PATL1: variants seen among roughly 807,000 people sequenced by gnomAD.
PATL1 encodes PAT1 homolog 1, processing body mRNA decay factor.
A neutral mutation model predicts 100.6 loss-of-function variants in PATL1; 32 were observed. The observed-to-expected ratio is 0.32, with a 90% CI of 0.24 to 0.43. The LOEUF (loss-of-function observed/expected upper bound fraction) is 0.43, where lower values mean the gene tolerates loss of function less well. Ranked by LOEUF, PATL1 falls within the 20% of genes least tolerant of loss-of-function variation. The probability of loss-of-function intolerance (pLI) is 1.00; values close to 1 mark genes in which losing one functional copy is unlikely to be tolerated. For missense variants in PATL1, 747 were observed against 949.9 expected, an observed-to-expected ratio of 0.79 and a Z score of 2.81; for synonymous variants, 332 against 330.0, an observed-to-expected ratio of 1.01 and a Z score of -0.07.
chr11:59,650,992 A>C (rs1861436367), intron 12 of PATL1, among the ~76,000 whole-genome samples, 179 bp from the exon 13 acceptor site: 1 of 152,232 alleles, frequency 6.6e-6, no homozygotes, highest in Non-Finnish European at 1.5e-5. Context: ...ATCAATCCAC[A>C]AACTATTAAA....
At chr11:59,643,753 G>A (rs1396475004) in intron 15 of PATL1, among the ~76,000 whole-genome samples, 1 of 152,066 alleles carries the variant, frequency 6.6e-6, no homozygotes, top group Non-Finnish European at 1.5e-5. Flanking sequence ...AGCTCAATGA[G>A]GAAGAAAAGA....
chr11:59,665,053 T>A (rs761258630), intron 2 of PATL1, among the ~76,000 whole-genome samples: 14 of 152,246 alleles, frequency 9.2e-5, no homozygotes, highest in Admixed American at 4.6e-4. Flanking sequence ...ATGCCTATAA[T>A]CCAAAAGGTC....
Position 59,659,261 on chromosome 11 carries a change from T to C in PATL1, c.336A>G (p.Pro112=). Residue 112 remains proline, a synonymous_variant, in exon 3 of 19, where the codon CCA becomes CCG. Transcript: ENST00000300146. The stretch of plus-strand genomic sequence containing the variant: ...ACAGTAACTTACTTACTTGTAAAAC[T>C]GGCCTGGTCTGCACTGCCCTCATAA... ...PAIMRAVQTR[P]VLQPQPGSLN... 1 of 1,551,428 alleles carries C rather than the reference T, an allele frequency of 6.4e-7. No homozygotes were observed. Among genetic ancestry groups the C allele is most frequent in the Non-Finnish European group, 8.7e-7 (1 of 1,146,766 alleles).
At chr11:59,652,672 T>A in intron 10 of PATL1, 85 bp from the exon 11 acceptor site, 1 of 1,561,208 alleles carries the variant, frequency 6.4e-7, no homozygotes, top group Non-Finnish European at 8.7e-7. Context: ...CCAGTGACAG[T>A]AACACAAGTT....
chr11:59,667,968 C>T (rs1003493923), intron 1 of PATL1, among the ~76,000 whole-genome samples: 2 of 152,222 alleles, frequency 1.3e-5, no homozygotes, highest in African/African-American at 4.8e-5. Context: ...TACCTCTTAG[C>T]TACCCTGTTT....
Position 59,652,374 on chromosome 11 carries a change from C to G in PATL1, c.1426+90G>C, listed in dbSNP as rs1861459879. 12 of 1,464,048 alleles carry G rather than the reference C, an allele frequency of 8.2e-6. 1 individual carries two copies. The highest frequency in any genetic ancestry group is 9.1e-7 in the Non-Finnish European group (1 of 1,097,362). 90.7% of individuals were successfully genotyped at this position (1,464,048 alleles called of 1,614,324 possible). ...ATCACTTTGAAACATCTTTGCATAT[C>G]CTTCCACATATACACTTGTCTATAT... On this transcript the variant is annotated intron_variant, in intron 11 of 18. Transcript: ENST00000300146.
chr11:59,666,604 G>A (rs575780479), intron 2 of PATL1, among the ~76,000 whole-genome samples: 4 of 152,184 alleles, frequency 2.6e-5, no homozygotes, highest in Admixed American at 1.3e-4. Flanking sequence ...TGTAGTCATC[G>A]ATCATATAGC....
chr11:59,654,870 G>T (rs1299528146), intron 8 of PATL1, among the ~76,000 whole-genome samples: 1 of 152,190 alleles, frequency 6.6e-6, no homozygotes, highest in East Asian at 1.9e-4. Context: ...AATAATGTGG[G>T]TGGAGCTCAT....
At chr11:59,653,072 A>C (rs1861469398) in intron 9 of PATL1, 54 bp from the exon 10 acceptor site, 1 of 1,487,372 alleles carries the variant, frequency 6.7e-7, no homozygotes, top group Non-Finnish European at 9.1e-7. Flanking sequence ...TACGCTTTTT[A>C]ACAACAGAGG....
intron 4 of PATL1, among the ~76,000 whole-genome samples, chr11:59,658,187 A>G (rs1565135085): frequency 6.6e-6 from 1 of 151,012 alleles, no homozygotes; most frequent in Non-Finnish European, 1.5e-5. Flanking sequence ...AGAAAGAAAG[A>G]GAGAGCAAGA....
At chr11:59,667,167 C>T (rs537121056) in intron 1 of PATL1, 4 of 814,120 alleles carry the variant, frequency 4.9e-6, no homozygotes, top group South Asian at 5.6e-5. Context: ...ATTTCCTAAT[C>T]CTTATTTCAT....
chr11:59,656,376 G>C, intron 6 of PATL1, 123 bp downstream of exon 6: 1 of 803,242 alleles, frequency 1.2e-6, no homozygotes, highest in East Asian at 2.7e-5. Flanking sequence ...ATTTAAGTAA[G>C]GAGATTATAA....
At chr11:59,643,587 T>C (rs77330989) in intron 15 of PATL1, among the ~76,000 whole-genome samples, 1,977 of 152,120 alleles carry the variant, frequency 0.013, 37 homozygotes, top group African/African-American at 0.045. Flanking sequence ...AGCTACTCAA[T>C]AGGCTGAGGT....
chr11:59,645,725 G>A (rs1861355387), intron 15 of PATL1, among the ~76,000 whole-genome samples: 1 of 152,002 alleles, frequency 6.6e-6, no homozygotes, highest in South Asian at 2.1e-4. Context: ...TGCTGTAACT[G>A]TTCTTTCTGA....
At chr11:59,644,592 GA>G (rs1425225143) in intron 15 of PATL1, among the ~76,000 whole-genome samples, 1 of 152,072 alleles carries the variant, frequency 6.6e-6, no homozygotes, top group African/African-American at 2.4e-5. Context: ...TCTATAGTTT[GA>G]ATTTGGCAAA....
intron 4 of PATL1, among the ~76,000 whole-genome samples, 172 bp from the exon 5 acceptor site, chr11:59,657,896 G>A (rs1302670106): frequency 1.3e-5 from 2 of 152,072 alleles, no homozygotes; most frequent in Admixed American, 6.5e-5. Context: ...TTGGTAAGCG[G>A]CTCATGCCTG....
intron 14 of PATL1, among the ~76,000 whole-genome samples, chr11:59,648,548 C>T (rs1049575274): frequency 6.7e-6 from 1 of 150,210 alleles, no homozygotes; most frequent in African/African-American, 2.4e-5. Flanking sequence ...AAAATAAAAA[C>T]ATTCGTCAAC....
chr11:59,654,201 G>A (rs1861489044), intron 8 of PATL1, 129 bp from the exon 9 acceptor site: 2 of 761,212 alleles, frequency 2.6e-6, no homozygotes, highest in East Asian at 5.4e-5. Context: ...TTCGGGATGG[G>A]TGCGGTGACT....
intron 2 of PATL1, among the ~76,000 whole-genome samples, chr11:59,666,188 G>A (rs1225544822): frequency 1.3e-5 from 2 of 152,104 alleles, no homozygotes; most frequent in Non-Finnish European, 2.9e-5. Flanking sequence ...GGAGGTTGCA[G>A]TGAGCCAAGA....
Sources: allele counts gnomAD v4.1 joint callset (sites outside exome capture counted in the v4.1 genomes callset), GRCh38; gene constraint gnomAD v4.1.1; transcripts MANE v1.5; gene names NCBI Gene and HGNC (gene_info 2026-07-23, HGNC 2026-07-21).